Variants in TRIML1 observed in about 807,000 individuals in gnomAD.
The protein encoded by TRIML1 is probable E3 ubiquitin-protein ligase TRIML1.
Under a neutral mutation model 32.3 loss-of-function variants are expected in TRIML1, and 34 were observed. The ratio of observed to expected loss-of-function variants is 1.05; its 90% CI spans 0.80 to 1.40. The LOEUF is 1.40. Ranked by LOEUF, TRIML1 falls within the 40% of genes most tolerant of loss-of-function variation. The probability of loss-of-function intolerance (pLI) is 0.00; values close to 1 mark genes in which losing one functional copy is unlikely to be tolerated. For missense variants in TRIML1, 595 were observed against 574.9 expected (o/e 1.03, Z -0.36); for synonymous variants, 244 against 226.6 (o/e 1.08, Z -0.69).
At chr4:188,146,550 C>G (rs750035142) in intron 5 of TRIML1, among the ~76,000 whole-genome samples, 1 of 152,126 alleles carries the variant, frequency 6.6e-6, no homozygotes, top group Non-Finnish European at 1.5e-5. Flanking sequence ...GTTCGGATTA[C>G]AAGCACGTGC....
intron 5 of TRIML1, among the ~76,000 whole-genome samples, chr4:188,144,705 T>C: frequency 6.6e-6 from 1 of 151,650 alleles, no homozygotes; most frequent in Middle Eastern, 3.4e-3. Context: ...GTCTTTTCCA[T>C]CCCCCCCTTG....
At chr4:188,143,952 C>G in intron 4 of TRIML1, 84 bp from the exon 5 acceptor site, 1 of 1,604,130 alleles carries the variant, frequency 6.2e-7, no homozygotes, top group Non-Finnish European at 8.5e-7. Context: ...TGCGCTGTTG[C>G]TGGGGGAGAA....
At chr4:188,149,688 C>A (rs987084760), downstream of TRIML1, among the ~76,000 whole-genome samples, 1 of 152,178 alleles carries the variant, frequency 6.6e-6, no homozygotes, top group African/African-American at 2.4e-5. Context: ...ACCCTGAATT[C>A]AGCATTTAAT....
At chr4:188,146,720 A>C (rs1040336480) in intron 5 of TRIML1, 102 bp from the exon 6 acceptor site, 1 of 1,004,846 alleles carries the variant, frequency 1.0e-6, no homozygotes, top group Non-Finnish European at 1.3e-6. Flanking sequence ...AATTACATTT[A>C]AAAAACCAGG....
At chr4:188,140,409 G>A (rs538261010) in intron 1 of TRIML1, 119 bp from the exon 2 acceptor site, 17 of 758,498 alleles carry the variant, frequency 2.2e-5, no homozygotes, top group South Asian at 3.4e-5. Context: ...GGCGTGAGGC[G>A]CCGCACCCAG....
At position 188,147,491 on chromosome 4, in the gene TRIML1, AC is replaced by A; in HGVS notation, c.*123del. 2.5e-6 allele frequency: 2 copies of A among 812,606 alleles called. No homozygotes were observed. The highest frequency in any genetic ancestry group is 3.4e-6 in the Non-Finnish European group (2 of 590,012). 50.3% of individuals were successfully genotyped at this position (812,606 alleles called of 1,614,324 possible). On this transcript the variant is annotated 3_prime_UTR_variant, in exon 6 of 6. Coordinates refer to ENST00000332517, the MANE Select transcript of TRIML1 (RefSeq NM_178556.5). Reference sequence around the variant, plus strand: ...ATCTGAAATAAACTCCCGTAACCCCACCCCACCCCCAAGAGTTTCCATTAAC... The same window carrying A: ...ATCTGAAATAAACTCCCGTAACCCCACCCACCCCCAAGAGTTTCCATTAAC...
rs1214284533 is a variant in TRIML1 at position 188,139,521 on chromosome 4, C to T, written c.-38C>T. On this transcript the variant is annotated 5_prime_UTR_variant, in exon 1 of 6. Transcript: ENST00000332517. Reference sequence around the variant, plus strand: ...AGTGAGGGCTTTGCTAATCCCAGAACAGAGGTGTAACCTGGCTGCATATCC... The same window carrying T: ...AGTGAGGGCTTTGCTAATCCCAGAATAGAGGTGTAACCTGGCTGCATATCC... 6.5e-7 allele frequency: 1 copy of T among 1,535,700 alleles called. No homozygotes were observed. The highest frequency in any genetic ancestry group is 8.8e-7 in the Non-Finnish European group (1 of 1,139,262).
chr4:188,143,850 G>T lies in TRIML1; in HGVS notation c.748G>T (p.Ala250Ser). The change falls in exon 4 of 6, where the codon GCC becomes TCC. Residue 250 changes from alanine to serine, a missense_variant. Coordinates refer to ENST00000332517, the MANE Select transcript of TRIML1 (RefSeq NM_178556.5). ...TTTTTACCCGTAGGAAGTGAGAGGA[G>T]CCCTGGAAAGGTAGGCTTTCATTCT... ...AFESLEEVRG[A>S]LERSEPLLLQ... The T allele has an allele frequency of 6.2e-7, 1 of 1,614,162 alleles. No homozygotes were observed. The highest frequency in any genetic ancestry group is 8.5e-7 in the Non-Finnish European group (1 of 1,180,022).
At chr4:188,143,754 T>A in intron 3 of TRIML1, 84 bp from the exon 4 acceptor site, 2 of 1,543,040 alleles carry the variant, frequency 1.3e-6, no homozygotes, top group Non-Finnish European at 1.8e-6. Flanking sequence ...TTCTGTGAGC[T>A]TTGCAAGGAC....
intron 5 of TRIML1, among the ~76,000 whole-genome samples, chr4:188,145,633 G>A (rs1424621258): frequency 6.6e-6 from 1 of 151,638 alleles, no homozygotes; most frequent in African/African-American, 2.4e-5. Context: ...GACCAGCCTG[G>A]CCAGCATGAT....
chr4:188,142,463 C>A lies in TRIML1; in HGVS notation c.716C>A (p.Ser239Ter). Residue 239 changes from serine to a stop codon, truncating the protein, a stop_gained, in exon 3 of 6, where the codon TCG (serine) becomes TAG (stop). Transcript: ENST00000332517. LOFTEE classifies it high-confidence loss of function. ...IAQIESSSQSSAFESLEEVRG... is the reference protein window; with the variant it reads ...IAQIESSSQS ...CAGATTGAGTCCTCAAGTCAAAGCT[C>A]GGCTTTCGAATCTCTTGAGGTGAGA... The A allele has an allele frequency of 6.2e-7, 1 of 1,613,566 alleles. No individual in the cohort carries two copies. The highest frequency in any genetic ancestry group is 8.5e-7 in the Non-Finnish European group (1 of 1,179,854).
intron 2 of TRIML1, among the ~76,000 whole-genome samples, chr4:188,141,109 A>G (rs1268325692): frequency 2.0e-5 from 3 of 151,652 alleles, no homozygotes; most frequent in Non-Finnish European, 4.4e-5. Flanking sequence ...ACTAAATATC[A>G]AATTATATAT....
chr4:188,143,547 G>A (rs1005478820), intron 3 of TRIML1: 14 of 430,620 alleles, frequency 3.3e-5, no homozygotes, highest in Admixed American at 1.5e-4. Flanking sequence ...CTGGATGATC[G>A]AGACTAACAG....
chr4:188,139,236 A>G (rs1394196816), upstream of TRIML1, among the ~76,000 whole-genome samples: 1 of 151,484 alleles, frequency 6.6e-6, no homozygotes, highest in African/African-American at 2.4e-5. Context: ...TTTATGTACA[A>G]TAACCAGTTC....
upstream of TRIML1, among the ~76,000 whole-genome samples, chr4:188,139,123 T>A (rs1734751122): frequency 6.6e-6 from 1 of 152,204 alleles, no homozygotes; most frequent in South Asian, 2.1e-4. Context: ...CCAATTCAGA[T>A]ATTATTAGAG....
chr4:188,140,424 C>T, intron 1 of TRIML1, 104 bp from the exon 2 acceptor site: 2 of 889,128 alleles, frequency 2.2e-6, no homozygotes, highest in South Asian at 1.5e-5. Context: ...ACCCAGCCTG[C>T]CCTTTGTTTT....
intron 3 of TRIML1, chr4:188,143,015 C>T (rs1025527170): frequency 2.0e-5 from 3 of 152,532 alleles, no homozygotes; most frequent in African/African-American, 4.8e-5. Flanking sequence ...TTTCTCACCA[C>T]CTTTGGTCTA....
intron 2 of TRIML1, among the ~76,000 whole-genome samples, chr4:188,142,000 C>G (rs1412839063): frequency 1.3e-5 from 2 of 151,582 alleles, no homozygotes; most frequent in Non-Finnish European, 2.9e-5. Context: ...GACTATAGTC[C>G]CAGCTACTCA....
rs560801388 is a variant in TRIML1 at position 188,146,871 on chromosome 4, G to A, written c.906G>A (p.Ser302=). 2.8e-5 allele frequency: 41 copies of A among 1,448,768 alleles called. No homozygotes were observed. The highest frequency in any genetic ancestry group is 3.4e-5 in the South Asian group (2 of 59,274). The allele number at this position is 1,448,768 out of a possible 1,614,324, so 89.7% of individuals were successfully genotyped here. The stretch of plus-strand genomic sequence containing the variant: ...CAGCTAATGCCTATCTCGTGTTGTC[G>A]GAGGATCTGAAGAGTGTGAAATATG... The part of the protein sequence containing the change: ...PATANAYLVL[S]EDLKSVKYGG... The change falls in exon 6 of 6, where the codon TCG becomes TCA. Residue 302 remains serine, a synonymous_variant. Transcript: ENST00000332517.
Sources: allele counts gnomAD v4.1 joint callset (sites outside exome capture counted in the v4.1 genomes callset), GRCh38; gene constraint gnomAD v4.1.1; transcripts MANE v1.5; gene names NCBI Gene and HGNC (gene_info 2026-07-23, HGNC 2026-07-21).